Variants in RERE observed in about 807,000 individuals in gnomAD.
RERE encodes the protein arginine-glutamic acid dipeptide repeats.
Under a neutral mutation model 146.1 loss-of-function variants are expected in RERE, and 40 were observed. The observed-to-expected ratio is 0.27, with a 90% CI of 0.21 to 0.36. The LOEUF is 0.36. RERE is among the 10% of genes least tolerant of loss of function. The pLI, the probability that RERE is intolerant of heterozygous loss-of-function variation, is 1.00. For synonymous variants in RERE, 1,003 were observed against 866.0 expected (o/e 1.16, Z -2.78); for missense variants, 1,933 against 2,138.7 (o/e 0.90, Z 1.90).
intron 4 of RERE, among the ~76,000 whole-genome samples, chr1:8,598,002 T>C (rs938119702): frequency 8.5e-5 from 13 of 152,122 alleles, no homozygotes; most frequent in Admixed American, 2.0e-4. Context: ...AAAAGAGAAA[T>C]ATGTCTCTAA....
At chr1:8,609,778 G>A (rs1646768946) in intron 4 of RERE, among the ~76,000 whole-genome samples, 2 of 152,094 alleles carry the variant, frequency 1.3e-5, no homozygotes, top group Admixed American at 1.3e-4. Context: ...ATCAAGCATG[G>A]AAAGCACTAA....
intron 1 of RERE, among the ~76,000 whole-genome samples, chr1:8,674,947 G>A (rs1294375900): frequency 6.6e-6 from 1 of 152,172 alleles, no homozygotes; most frequent in Non-Finnish European, 1.5e-5. Flanking sequence ...TGCAACCTGG[G>A]AGGCTGAAAT....
chr1:8,562,477 A>AGTTTGTTT (rs59739710), intron 4 of RERE, among the ~76,000 whole-genome samples: 8 of 150,738 alleles, frequency 5.3e-5, no homozygotes, highest in Admixed American at 6.6e-5. Flanking sequence ...ACTTCTCACC[A>AGTTTGTTT]GTTTGTTTGT....
chr1:8,610,299 C>T (rs1297801096), intron 4 of RERE, among the ~76,000 whole-genome samples: 3 of 151,902 alleles, frequency 2.0e-5, no homozygotes, highest in Non-Finnish European at 2.9e-5. Context: ...TTAAGAATGA[C>T]GAGAATTTGG....
chr1:8,741,353 C>T (rs1640303662), intron 1 of RERE, among the ~76,000 whole-genome samples: 1 of 152,222 alleles, frequency 6.6e-6, no homozygotes, highest in Non-Finnish European at 1.5e-5. Flanking sequence ...TCAGTATCAG[C>T]TCAGTTAATG....
At chr1:8,783,275 C>T (rs1478512262) in intron 1 of RERE, among the ~76,000 whole-genome samples, 1 of 151,962 alleles carries the variant, frequency 6.6e-6, no homozygotes, top group African/African-American at 2.4e-5. Flanking sequence ...GTCAAGGCTG[C>T]AGTGAGCCGT....
intron 4 of RERE, among the ~76,000 whole-genome samples, chr1:8,568,899 G>A (rs1646184409): frequency 6.6e-6 from 1 of 151,976 alleles, no homozygotes; most frequent in Admixed American, 6.5e-5. Flanking sequence ...CTGTCTCTCT[G>A]GAGAACCCTG....
intron 4 of RERE, among the ~76,000 whole-genome samples, chr1:8,579,621 T>G (rs1420210727): frequency 6.6e-6 from 1 of 152,234 alleles, no homozygotes; most frequent in Non-Finnish European, 1.5e-5. Context: ...GAAATCATTA[T>G]CTGGTAACTA....
chr1:8,464,734 ATGTTACT>A (rs1644574494), intron 11 of RERE, among the ~76,000 whole-genome samples: 1 of 152,090 alleles, frequency 6.6e-6, no homozygotes, highest in Non-Finnish European at 1.5e-5. Context: ...TCTCATCTAA[ATGTTACT>A]TACCAGGACT....
chr1:8,427,152 G>A (rs1338583984), intron 11 of RERE, among the ~76,000 whole-genome samples: 1 of 152,086 alleles, frequency 6.6e-6, no homozygotes. Context: ...CACCGCACCC[G>A]GACAAGTGAA....
At chr1:8,449,204 AAATG>A (rs1644362277) in intron 11 of RERE, among the ~76,000 whole-genome samples, 1 of 152,212 alleles carries the variant, frequency 6.6e-6, no homozygotes, top group South Asian at 2.1e-4. Flanking sequence ...TACAAAGAGG[AAATG>A]AATTATCCAC....
chr1:8,361,046 AGGGATGCGGCGG>A lies in RERE; in HGVS notation c.2449_2460del (p.Pro817_Pro820del), dbSNP rs749071713. The A allele has an allele frequency of 2.4e-4, 346 of 1,424,252 alleles. 1 individual carries two copies. The South Asian group carries it at 3.3e-3, about 13-fold the overall frequency. 88.2% of individuals were successfully genotyped at this position (1,424,252 alleles called of 1,614,324 possible). A position where few individuals can be genotyped will look rare whatever the true frequency, so the allele number is the denominator to read the frequency against. ...AGAGGCTGCAGCGGGGGATGTGGCGAGGGATGCGGCGGGGGATGCGGTGAGGGCGGCCGCTGG... is the reference window on the plus strand; with the variant it reads ...AGAGGCTGCAGCGGGGGATGTGGCGAGGGATGCGGTGAGGGCGGCCGCTGG... On this transcript the variant is annotated inframe_deletion, in exon 18 of 23. Coordinates refer to ENST00000400908, the MANE Select transcript of RERE (RefSeq NM_001042681.2).
At chr1:8,631,358 C>T (rs1406804544) in intron 2 of RERE, among the ~76,000 whole-genome samples, 2 of 152,114 alleles carry the variant, frequency 1.3e-5, no homozygotes, top group Non-Finnish European at 2.9e-5. Context: ...ATGACTGTAC[C>T]ACCACTACAC....
intron 1 of RERE, among the ~76,000 whole-genome samples, chr1:8,760,181 G>A (rs991347403): frequency 3.3e-5 from 5 of 151,952 alleles, no homozygotes; most frequent in African/African-American, 4.8e-5. Context: ...GCCCGCCACC[G>A]CGCCCAGCTA....
At chr1:8,428,988 GCAT>G (rs879541438) in intron 11 of RERE, among the ~76,000 whole-genome samples, 2 of 152,076 alleles carry the variant, frequency 1.3e-5, no homozygotes, top group Admixed American at 6.5e-5. Flanking sequence ...GGTGCAAGTA[GCAT>G]CACCATTAAC....
At chr1:8,434,662 T>G (rs1033226072) in intron 11 of RERE, 28 of 152,230 alleles carry the variant, frequency 1.8e-4, no homozygotes, top group African/African-American at 6.8e-4. Flanking sequence ...AGGTGACTTC[T>G]AAGACTACAT....
In RERE at chr1:8,400,384, T is replaced by C. The variant is rs571665241; in HGVS notation, c.1284+22343A>G. 7.6e-4 allele frequency among the ~76,000 whole-genome samples: 115 copies of C among 152,102 alleles called. 1 individual carries two copies. The highest frequency in any genetic ancestry group is 2.7e-3 in the African/African-American group (110 of 41,508). ...CCTCCCACCTCAGCCTCCCAAGTAG[T>C]GGGACTACAGGCGCATGCCACCATG... On this transcript the variant is annotated intron_variant, in intron 12 of 22. Coordinates refer to ENST00000400908, the MANE Select transcript of RERE (RefSeq NM_001042681.2).
intron 10 of RERE, among the ~76,000 whole-genome samples, chr1:8,480,121 TTTTTTTG>T (rs1271726693): frequency 1.3e-4 from 6 of 46,118 alleles, no homozygotes; most frequent in African/African-American, 8.3e-4. Flanking sequence ...TATTAAAGCC[TTTTTTTG>T]TTTTTTTTTT....
intron 1 of RERE, chr1:8,703,250 G>A (rs1639494011): frequency 6.7e-6 from 1 of 149,794 alleles, no homozygotes; most frequent in Admixed American, 6.6e-5. Flanking sequence ...GCAGGTCCCG[G>A]CGGCTTGGCG....
Sources: gnomAD v4.1 joint callset for allele counts (sites outside exome capture counted in the v4.1 genomes callset) on GRCh38, gnomAD v4.1.1 for gene constraint, MANE v1.5 for transcripts, NCBI Gene and HGNC (gene_info 2026-07-23, HGNC 2026-07-21) for gene names.